Variants in ETV1 observed in about 807,000 individuals in gnomAD.
ETV1 encodes ETS translocation variant 1.
ETV1 carries 27 observed loss-of-function variants against 62.3 expected under a neutral mutation model. That is an observed-to-expected ratio of 0.43 (90% CI 0.32 to 0.60). The LOEUF is 0.60. Ranked by LOEUF, ETV1 falls within the 20% of genes least tolerant of loss-of-function variation. ETV1 has a pLI of 0.06. For synonymous variants in ETV1, 222 were observed against 199.6 expected, an observed-to-expected ratio of 1.11 and a Z score of -0.94; for missense variants, 605 against 605.8, an observed-to-expected ratio of 1.00 and a Z score of 0.01.
At chr7:13,917,888 C>T (rs1784366853) in intron 9 of ETV1, among the ~76,000 whole-genome samples, 2 of 151,672 alleles carry the variant, frequency 1.3e-5, no homozygotes, top group African/African-American at 4.8e-5. Context: ...GGCGTGAACC[C>T]GGGAGGCGGA....
At chr7:13,896,220 T>C in intron 13 of ETV1, 133 bp from the exon 14 acceptor site, 1 of 597,644 alleles carries the variant, frequency 1.7e-6, no homozygotes, top group Non-Finnish European at 2.9e-6. Flanking sequence ...AGCAAACAAC[T>C]AATAGCAGAT....
At chr7:13,959,687 C>T (rs1443993595) in intron 6 of ETV1, among the ~76,000 whole-genome samples, 1 of 151,752 alleles carries the variant, frequency 6.6e-6, no homozygotes, top group Non-Finnish European at 1.5e-5. Context: ...AGTTCGAGAC[C>T]AGCCTGGCCT....
chr7:13,962,474 T>C (rs1360787591), intron 6 of ETV1, among the ~76,000 whole-genome samples: 2 of 152,074 alleles, frequency 1.3e-5, no homozygotes, highest in African/African-American at 4.8e-5. Context: ...ATCAGCAGCA[T>C]GAAATAATAT....
intron 6 of ETV1, among the ~76,000 whole-genome samples, chr7:13,957,235 G>C (rs558749267): frequency 6.6e-6 from 1 of 151,990 alleles, no homozygotes; most frequent in Admixed American, 6.6e-5. Flanking sequence ...ACAGGCGGCC[G>C]CCACCATGCC....
intron 3 of ETV1, chr7:13,988,608 A>G (rs549626365): frequency 2.0e-5 from 25 of 1,259,918 alleles, no homozygotes; most frequent in African/African-American, 1.4e-4. Context: ...AAAAAAAAAA[A>G]AGAGAAAATG....
intron 12 of ETV1, among the ~76,000 whole-genome samples, chr7:13,905,784 C>G (rs1380900105): frequency 6.6e-6 from 1 of 152,098 alleles, no homozygotes; most frequent in East Asian, 1.9e-4. Context: ...TCATCCCAAC[C>G]TTCCAATGGA....
At chr7:13,987,825 T>A (rs1489697344) in intron 4 of ETV1, among the ~76,000 whole-genome samples, 1 of 152,170 alleles carries the variant, frequency 6.6e-6, no homozygotes, top group Non-Finnish European at 1.5e-5. Context: ...ACAAAGGTAT[T>A]TAAACACAAA....
upstream of ETV1, chr7:13,989,967 CG>C (rs1489069671): frequency 5.4e-6 from 1 of 184,848 alleles, no homozygotes; most frequent in Non-Finnish European, 1.1e-5. Flanking sequence ...TGTTTCGAGT[CG>C]CCAGTTCCCA....
chr7:13,898,014 C>G (rs898890343), intron 13 of ETV1, among the ~76,000 whole-genome samples: 1 of 152,160 alleles, frequency 6.6e-6, no homozygotes, highest in Non-Finnish European at 1.5e-5. Context: ...CTTATGCAAT[C>G]TCTCAAGGAC....
chr7:13,895,222 T>C lies in ETV1; in HGVS notation c.*644A>G, dbSNP rs1781657497. 4.3e-6 allele frequency: 1 copy of C among 233,536 alleles called. No individual in the cohort carries two copies. Among genetic ancestry groups the C allele is most frequent in the Admixed American group, 5.6e-5 (1 of 17,784 alleles). The allele number at this position is 233,536 out of a possible 1,614,324, so 14.5% of individuals were successfully genotyped here. On this transcript the variant is annotated 3_prime_UTR_variant, in exon 14 of 14. Transcript: ENST00000430479. ...TGCCCCTCATTTACAGTCATGGTGATTATTCAACTTCAGAGAGAATTACCC... is the reference window on the plus strand; with the variant it reads ...TGCCCCTCATTTACAGTCATGGTGACTATTCAACTTCAGAGAGAATTACCC...
intron 5 of ETV1, among the ~76,000 whole-genome samples, chr7:13,981,172 A>T (rs531238804): frequency 6.6e-6 from 1 of 152,224 alleles, no homozygotes; most frequent in African/African-American, 2.4e-5. Flanking sequence ...ATATTTAATT[A>T]AAACCAGTTC....
chr7:13,916,671 G>C (rs1303817501), intron 9 of ETV1, among the ~76,000 whole-genome samples: 1 of 152,090 alleles, frequency 6.6e-6, no homozygotes, highest in Admixed American at 6.5e-5. Flanking sequence ...GCTCATGCAT[G>C]TAATCTTGGC....
chr7:13,972,788 C>G (rs998473582), intron 6 of ETV1, among the ~76,000 whole-genome samples: 2 of 152,130 alleles, frequency 1.3e-5, no homozygotes, highest in South Asian at 4.1e-4. Context: ...TTTTTATTTT[C>G]TGATAGATAC....
rs978489109 is a variant in ETV1, at chr7:13,893,152, T to A, written c.*2714A>T. 4.3e-5 allele frequency: 10 copies of A among 232,468 alleles called. No homozygotes were observed. The highest frequency in any genetic ancestry group is 2.2e-4 in the African/African-American group (10 of 45,318). 14.4% of individuals were successfully genotyped at this position (232,468 alleles called of 1,614,324 possible). A position where few individuals can be genotyped will look rare whatever the true frequency, so the allele number is the denominator to read the frequency against. ...TAATCTATTGGGTATTAACATGTCA[T>A]CATCAAGAGACAGCAAACAGCAGTG... On this transcript the variant is annotated 3_prime_UTR_variant, in exon 14 of 14. Transcript: ENST00000430479.
At chr7:13,934,177 C>A (rs1786513359) in intron 8 of ETV1, among the ~76,000 whole-genome samples, 1 of 152,188 alleles carries the variant, frequency 6.6e-6, no homozygotes, top group African/African-American at 2.4e-5. Flanking sequence ...ACTGTTTACA[C>A]AGATGCACAT....
At chr7:13,986,206 TTC>T in intron 5 of ETV1, 1 of 1,573,228 alleles carries the variant, frequency 6.4e-7, no homozygotes, top group Non-Finnish European at 8.6e-7. Flanking sequence ...AGAAACTAAT[TTC>T]TGCCATCAGA....
Position 13,895,884 on chromosome 7 carries a change from G to A in ETV1, c.1416C>T (p.Asn472=), listed in dbSNP as rs374879140. Residue 472 remains asparagine, a synonymous_variant, in exon 14 of 14, where the codon AAC becomes AAT. Coordinates refer to ENST00000430479, the MANE Select transcript of ETV1 (RefSeq NM_004956.5). ...EGGCCNPHPY[N]EGYVY is the part of the protein sequence containing the mutation. Reference sequence around the variant, plus strand: ...ACTTGTGTTAATACACGTAGCCTTCGTTGTAGGGGTGGGGGTTGCAGCAGC... The same window carrying A: ...ACTTGTGTTAATACACGTAGCCTTCATTGTAGGGGTGGGGGTTGCAGCAGC... The A allele has an allele frequency of 1.0e-4, 165 of 1,613,446 alleles. No homozygotes were observed. In the Middle Eastern group the frequency reaches 2.7e-3, roughly 26 times the overall value.
At chr7:13,983,303 G>A (rs1332802821) in intron 5 of ETV1, among the ~76,000 whole-genome samples, 1 of 151,966 alleles carries the variant, frequency 6.6e-6, no homozygotes, top group Non-Finnish European at 1.5e-5. Context: ...TTTAAGTTGT[G>A]TTAGTAGGTG....
chr7:13,908,729 A>T (rs2128417081), intron 11 of ETV1, among the ~76,000 whole-genome samples: 1 of 152,276 alleles, frequency 6.6e-6, no homozygotes, highest in African/African-American at 2.4e-5. Context: ...GCAACTAATT[A>T]GAAATTGAAA....
Sources: gnomAD v4.1 joint callset for allele counts (sites outside exome capture counted in the v4.1 genomes callset) on GRCh38, gnomAD v4.1.1 for gene constraint, MANE v1.5 for transcripts, NCBI Gene and HGNC (gene_info 2026-07-23, HGNC 2026-07-21) for gene names.